The following POLRMT variants were observed in gnomAD, a reference collection of about 807,000 sequenced individuals.
POLRMT encodes the protein RNA polymerase mitochondrial, also known as DNA-directed RNA polymerase, mitochondrial.
In POLRMT, 114 loss-of-function variants were observed where a neutral mutation model predicts 132.2. That is an observed-to-expected ratio of 0.86 (90% CI 0.74 to 1.01). POLRMT has a LOEUF of 1.01. Ranked by LOEUF, POLRMT falls within the 50% of genes least tolerant of loss-of-function variation. The pLI is 0.00. For synonymous variants in POLRMT, 1,020 were observed against 773.4 expected (o/e 1.32, Z -5.29); for missense variants, 2,003 against 1,729.1 (o/e 1.16, Z -2.81).
chr19:619,447 C>G, intron 13 of POLRMT, 139 bp downstream of exon 13: 1 of 1,372,694 alleles, frequency 7.3e-7, no homozygotes, highest in Non-Finnish European at 1.0e-6. Flanking sequence ...CAGCAAGAAA[C>G]GCCCAAGCCC....
intron 4 of POLRMT, 51 bp from the exon 5 acceptor site, chr19:624,956 TC>T: frequency 6.4e-7 from 1 of 1,563,928 alleles, no homozygotes. Context: ...ACGCTGGGCT[TC>T]CACAGACCCC....
intron 3 of POLRMT, among the ~76,000 whole-genome samples, chr19:627,662 C>G (rs1439672994): frequency 6.6e-6 from 1 of 151,644 alleles, no homozygotes; most frequent in Non-Finnish European, 1.5e-5. Flanking sequence ...CGGTCGCTCA[C>G]GCCTGTAATC....
chr19:632,062 C>T (rs939847185), intron 2 of POLRMT, among the ~76,000 whole-genome samples: 5 of 149,520 alleles, frequency 3.3e-5, no homozygotes, highest in South Asian at 2.1e-4. Context: ...CGTGAGCCAC[C>T]GCACCAGGCC....
In POLRMT at chr19:621,380, T is replaced by C. The variant is rs752604630; in HGVS notation, c.2318A>G (p.His773Arg). ...GTACAGCGCCTCCGCCCGCAGGCTG[T>C]GCATCTCCCGGGCCACCTTCTGGCA... The part of the protein sequence containing the change: ...AHCQKVAREM[H>R]SLRAEALYRL... Residue 773 changes from histidine (H) to arginine (R), a missense_variant, in exon 10 of 21, where the codon CAC becomes CGC. Transcript: ENST00000588649. 2.6e-6 allele frequency: 4 copies of C among 1,549,398 alleles called. No individual in the cohort carries two copies. The highest frequency in any genetic ancestry group is 3.5e-6 in the Non-Finnish European group (4 of 1,155,692).
At position 623,768 on chromosome 19, in the gene POLRMT, G is replaced by A. The variant is rs115143227; in HGVS notation, c.1141-165C>T. On this transcript the variant is annotated intron_variant, in intron 5 of 20. Coordinates refer to ENST00000588649, the MANE Select transcript of POLRMT (RefSeq NM_005035.4). ...GCTGCGGGTAAAGTCAGTGCCAGCAGTGCAAACCAAAGGCCTTGACCCTCC... is the reference window on the plus strand; with the variant it reads ...GCTGCGGGTAAAGTCAGTGCCAGCAATGCAAACCAAAGGCCTTGACCCTCC... 6.5e-3 allele frequency among the ~76,000 whole-genome samples: 989 copies of A among 152,334 alleles called. 6 individuals are homozygous for A. The highest frequency in any genetic ancestry group is 0.022 in the African/African-American group (925 of 41,574).
chr19:632,992 C>T, intron 1 of POLRMT, 54 bp from the exon 2 acceptor site: 1 of 1,309,128 alleles, frequency 7.6e-7, no homozygotes, highest in Non-Finnish European at 1.0e-6. Context: ...GCGGGGGCCT[C>T]CATAAAGGCA....
In POLRMT at chr19:621,357, A is replaced by G; in HGVS notation, c.2341T>C (p.Tyr781His). The G allele has an allele frequency of 6.3e-7, 1 of 1,575,688 alleles. No homozygotes were observed. Among genetic ancestry groups the G allele is most frequent in the Non-Finnish European group, 8.6e-7 (1 of 1,169,146 alleles). Residue 781 changes from tyrosine to histidine, a missense_variant, in exon 10 of 21, where the codon TAC (tyrosine) becomes CAC (histidine). Transcript: ENST00000588649. ...AGGTGCTGCGCCAGCGAGAGGCGGT[A>G]CAGCGCCTCCGCCCGCAGGCTGTGC... is the stretch of plus-strand genomic sequence containing the variant. ...EMHSLRAEAL[Y>H]RLSLAQHLRD... is the part of the protein sequence containing the mutation.
At chr19:632,765 CTT>C in intron 2 of POLRMT, 67 bp downstream of exon 2, 1 of 1,350,050 alleles carries the variant, frequency 7.4e-7, no homozygotes, top group Non-Finnish European at 1.0e-6. Context: ...GAATCTGAGC[CTT>C]TGCCTTTTCT....
rs1265319779 is a variant in POLRMT at position 617,845 on chromosome 19, C to T, written c.3427G>A (p.Gly1143Ser). Residue 1143 changes from glycine (G) to serine (S), a missense_variant, in exon 18 of 21, where the codon GGC becomes AGC. Physicochemically the swap from Gly to Ser is moderately conservative, Grantham distance 56. Transcript: ENST00000588649. Reference sequence around the variant, plus strand: ...TCGTGCACAGAGACGAAGGTCAGGCCCTTCCTGTGGCAGAGCGGAGGACTC... The same window carrying T: ...TCGTGCACAGAGACGAAGGTCAGGCTCTTCCTGTGGCAGAGCGGAGGACTC... ...MLTALHCYRK[G>S]LTFVSVHDCY... The T allele has an allele frequency of 1.2e-6, 2 of 1,613,120 alleles. No homozygotes were observed. Among genetic ancestry groups the T allele is most frequent in the Non-Finnish European group, 1.7e-6 (2 of 1,179,880 alleles).
rs759818200 is a variant in POLRMT, at chr19:622,884, C to A, written c.1392G>T (p.Arg464=). The A allele has an allele frequency of 1.9e-6, 3 of 1,610,774 alleles. No homozygotes were observed. Among genetic ancestry groups the A allele is most frequent in the African/African-American group, 1.3e-5 (1 of 75,022 alleles). Residue 464 remains arginine, a synonymous_variant, in exon 7 of 21, where the codon CGG becomes CGT. Coordinates refer to ENST00000588649, the MANE Select transcript of POLRMT (RefSeq NM_005035.4). ...NRLEREVYEG[R]FSLYPFLCLL... ...GGCACAGGAAGGGGTAAAGTGAGAA[C>A]CGGCCCTCGTACACCTCGCGCTCTA...
Position 617,801 on chromosome 19 carries a change from T to G in POLRMT, c.3471A>C (p.Ala1157=), listed in dbSNP as rs745682275. The change falls in exon 18 of 21, where the codon GCA becomes GCC. Residue 1157 remains alanine (A), a synonymous_variant. Coordinates refer to ENST00000588649, the MANE Select transcript of POLRMT (RefSeq NM_005035.4). Reference sequence around the variant, plus strand: ...CCTGGTTCATGACGGAGACATCAGCTGCGTGAGTCCAGTAACAGTCGTGCA... The same window carrying G: ...CCTGGTTCATGACGGAGACATCAGCGGCGTGAGTCCAGTAACAGTCGTGCA... ...VSVHDCYWTH[A]ADVSVMNQVC... The G allele has an allele frequency of 1.9e-6, 3 of 1,613,330 alleles. No homozygotes were observed. Among genetic ancestry groups the G allele is most frequent in the Non-Finnish European group, 2.5e-6 (3 of 1,179,902 alleles).
At position 632,830 on chromosome 19, in the gene POLRMT, TC is replaced by T. The variant is rs764190465; in HGVS notation, c.193+3del. On this transcript the variant is annotated splice_donor_region_variant and intron_variant, in intron 2 of 20. Coordinates refer to ENST00000588649, the MANE Select transcript of POLRMT (RefSeq NM_005035.4). ...TCCCGGGCCGCCGTGGGGGTCGCGC[TC>T]ACCCTCCAGCAGCTCCACGTGGCCC... The T allele has an allele frequency of 2.6e-6, 4 of 1,533,472 alleles. No homozygotes were observed. Among genetic ancestry groups the T allele is most frequent in the Non-Finnish European group, 3.5e-6 (4 of 1,142,170 alleles). The allele number at this position is 1,533,472 out of a possible 1,614,324, so 95.0% of individuals were successfully genotyped here.
intron 3 of POLRMT, chr19:625,513 A>G: frequency 2.3e-6 from 1 of 442,582 alleles, no homozygotes; most frequent in East Asian, 3.9e-5. Flanking sequence ...TTAAACCTCC[A>G]GATTTGTCAA....
At chr19:632,032 C>T (rs990846534) in intron 2 of POLRMT, among the ~76,000 whole-genome samples, 3 of 151,014 alleles carry the variant, frequency 2.0e-5, no homozygotes, top group East Asian at 1.9e-4. Flanking sequence ...CTCGGCCTCC[C>T]AAAGTGCTGG....
chr19:630,285 G>C (rs887243706), intron 2 of POLRMT, 117 bp from the exon 3 acceptor site: 1 of 1,241,532 alleles, frequency 8.1e-7, no homozygotes, highest in Admixed American at 2.5e-5. Context: ...TGGGACCCAA[G>C]GCGTGAATTC....
chr19:624,752 G>A lies in POLRMT; in HGVS notation c.1107C>T (p.Asn369=), dbSNP rs1984895446. ...SLPPQLPPPV[N]TSKLLRDVYA... is the part of the protein sequence containing the mutation. ...ACACGTCCCTGAGCAGCTTGGAGGTGTTGACCGGGGGCGGCAGCTGCGGCG... is the reference window on the plus strand; with the variant it reads ...ACACGTCCCTGAGCAGCTTGGAGGTATTGACCGGGGGCGGCAGCTGCGGCG... The change falls in exon 5 of 21, where the codon AAC becomes AAT. Residue 369 remains asparagine, a synonymous_variant. Coordinates refer to ENST00000588649, the MANE Select transcript of POLRMT (RefSeq NM_005035.4). 2 of 1,613,936 alleles carry A rather than the reference G, an allele frequency of 1.2e-6. No individual in the cohort carries two copies. Among genetic ancestry groups the A allele is most frequent in the Non-Finnish European group, 1.7e-6 (2 of 1,180,006 alleles).
chr19:623,806 C>T (rs1158040790), intron 5 of POLRMT, among the ~76,000 whole-genome samples: 4 of 152,196 alleles, frequency 2.6e-5, no homozygotes, highest in Admixed American at 2.6e-4. Context: ...GCCTCGACCC[C>T]TCTAGAAGGG....
intron 2 of POLRMT, 43 bp downstream of exon 2, chr19:632,791 A>G (rs1488256400): frequency 1.4e-6 from 2 of 1,473,220 alleles, no homozygotes; most frequent in African/African-American, 1.4e-5. Context: ...GGCAGCAGGG[A>G]GCGGACTCTC....
At chr19:624,168 G>A (rs41563416) in intron 5 of POLRMT, among the ~76,000 whole-genome samples, 2,493 of 152,258 alleles carry the variant, frequency 0.016, 70 homozygotes, top group African/African-American at 0.057. Context: ...GTCGCCTCCC[G>A]GAGGCACCAT....
Sources: gnomAD v4.1 joint callset for allele counts (sites outside exome capture counted in the v4.1 genomes callset) on GRCh38, gnomAD v4.1.1 for gene constraint, MANE v1.5 for transcripts, NCBI Gene and HGNC (gene_info 2026-07-23, HGNC 2026-07-21) for gene names.